The following ERC2 variants were observed in gnomAD, a reference collection of about 807,000 sequenced individuals.
ERC2 encodes ELKS/RAB6-interacting/CAST family member 2, also known as ERC protein 2.
Under a neutral mutation model 114.8 loss-of-function variants are expected in ERC2, and 42 were observed. The observed-to-expected ratio is 0.37, with a 90% CI of 0.29 to 0.47. The LOEUF is 0.47. Ranked by LOEUF, ERC2 falls within the 20% of genes least tolerant of loss-of-function variation. ERC2 has a pLI of 0.99. For synonymous variants in ERC2, 454 were observed against 425.5 expected (o/e 1.07, Z -0.82); for missense variants, 939 against 1,150.7 (o/e 0.82, Z 2.66).
At chr3:55,994,797 T>C (rs902637479) in intron 10 of ERC2, among the ~76,000 whole-genome samples, 1 of 151,774 alleles carries the variant, frequency 6.6e-6, no homozygotes, top group African/African-American at 2.4e-5. Context: ...GTGGGTGAAA[T>C]CAGATGAATT....
At chr3:55,684,004 T>A in intron 16 of ERC2, 145 bp from the exon 17 acceptor site, 1 of 875,470 alleles carries the variant, frequency 1.1e-6, no homozygotes, top group Non-Finnish European at 1.7e-6. Flanking sequence ...AAGAAAAAAA[T>A]CCATAGTAAC....
At chr3:56,023,794 G>GGAAGGAAGGAAGGAAGGAAGGAAA (rs2073879457) in intron 7 of ERC2, among the ~76,000 whole-genome samples, 1 of 151,942 alleles carries the variant, frequency 6.6e-6, no homozygotes. Flanking sequence ...AAGGAAGGAA[G>GGAAGGAAGGAAGGAAGGAAGGAAA]GAAGGAAGGA....
chr3:56,248,117 T>G (rs2051846741), intron 3 of ERC2, among the ~76,000 whole-genome samples: 1 of 152,134 alleles, frequency 6.6e-6, no homozygotes, highest in Non-Finnish European at 1.5e-5. Context: ...AGAGACAGAG[T>G]CTTGCTCCGT....
At chr3:56,383,754 C>T (rs1207276172) in intron 2 of ERC2, among the ~76,000 whole-genome samples, 1 of 152,114 alleles carries the variant, frequency 6.6e-6, no homozygotes, top group African/African-American at 2.4e-5. Context: ...CAAGTACATT[C>T]GCATTATGAC....
At chr3:56,218,230 A>T (rs1428994821) in intron 3 of ERC2, among the ~76,000 whole-genome samples, 1 of 152,204 alleles carries the variant, frequency 6.6e-6, no homozygotes, top group Non-Finnish European at 1.5e-5. Flanking sequence ...AAATTTTTGC[A>T]ATCTACTCAT....
intron 14 of ERC2, among the ~76,000 whole-genome samples, chr3:55,741,160 A>G (rs909500762): frequency 3.3e-5 from 5 of 152,072 alleles, no homozygotes; most frequent in African/African-American, 1.2e-4. Flanking sequence ...ATAAAAACGA[A>G]TTTCATTTTG....
chr3:55,615,736 T>C (rs1392221), intron 17 of ERC2, among the ~76,000 whole-genome samples: 68,048 of 152,116 alleles, frequency 0.45, 17,075 homozygotes, highest in Non-Finnish European at 0.56. Context: ...GGAACTATGA[T>C]ATTTTCGGTG....
intron 17 of ERC2, among the ~76,000 whole-genome samples, chr3:55,642,665 A>G (rs2060237067): frequency 6.6e-6 from 1 of 152,030 alleles, no homozygotes; most frequent in Admixed American, 6.6e-5. Flanking sequence ...TGTTTTCTAC[A>G]CTGATTTGCT....
chr3:56,231,387 C>A (rs189289029), intron 3 of ERC2, among the ~76,000 whole-genome samples: 4 of 152,326 alleles, frequency 2.6e-5, no homozygotes, highest in Admixed American at 6.5e-5. Context: ...TGTACACACT[C>A]TTCTCTCAGG....
intron 2 of ERC2, among the ~76,000 whole-genome samples, chr3:56,376,517 C>T (rs2059547298): frequency 6.6e-6 from 1 of 151,534 alleles, no homozygotes; most frequent in African/African-American, 2.4e-5. Context: ...GTAATCCTAG[C>T]ACTTTGGGAG....
intron 6 of ERC2, among the ~76,000 whole-genome samples, chr3:56,129,118 T>C (rs2080055642): frequency 1.3e-5 from 2 of 152,212 alleles, no homozygotes; most frequent in African/African-American, 2.4e-5. Flanking sequence ...CCTCCCTTTT[T>C]CTTAATAAGA....
chr3:55,844,444 A>G (rs2061267449), intron 14 of ERC2, among the ~76,000 whole-genome samples: 2 of 152,232 alleles, frequency 1.3e-5, no homozygotes, highest in South Asian at 4.1e-4. Context: ...CCAGAAGGGA[A>G]AGAATGTTTG....
chr3:56,376,691 A>G (rs2059555442), intron 2 of ERC2, among the ~76,000 whole-genome samples: 1 of 151,552 alleles, frequency 6.6e-6, no homozygotes, highest in African/African-American at 2.4e-5. Context: ...TGAATCCGGG[A>G]GGCGGAGGTT....
intron 14 of ERC2, among the ~76,000 whole-genome samples, chr3:55,880,135 T>A (rs1324987640): frequency 6.6e-6 from 1 of 152,116 alleles, no homozygotes; most frequent in Non-Finnish European, 1.5e-5. Context: ...CTGGTTGGAA[T>A]AGGGATTGGA....
intron 14 of ERC2, among the ~76,000 whole-genome samples, chr3:55,826,147 T>C (rs1004830324): frequency 6.6e-6 from 1 of 152,220 alleles, no homozygotes; most frequent in Non-Finnish European, 1.5e-5. Context: ...CAATAAAAGC[T>C]ACTTTAACTG....
rs146906729 is a variant in ERC2, at chr3:56,350,585, T to C, written c.658-54150A>G. On this transcript the variant is annotated intron_variant, in intron 2 of 17. Coordinates refer to ENST00000288221, the MANE Select transcript of ERC2 (RefSeq NM_015576.3). ...ATATATATATACAGTGAAATGCTCA[T>C]GGTAGAGACACCAAATGCTGAAGAG... Among the ~76,000 whole-genome samples, 683 of 152,250 alleles carry C rather than the reference T, an allele frequency of 4.5e-3. 3 individuals carry two copies. The highest frequency in any genetic ancestry group is 0.015 in the African/African-American group (626 of 41,544).
At chr3:56,453,078 C>T (rs1577036447) in intron 1 of ERC2, among the ~76,000 whole-genome samples, 1 of 152,198 alleles carries the variant, frequency 6.6e-6, no homozygotes, top group Non-Finnish European at 1.5e-5. Context: ...AAACTTTAGC[C>T]CATGCATTAA....
intron 7 of ERC2, among the ~76,000 whole-genome samples, chr3:56,079,157 A>C (rs1202013322): frequency 1.3e-5 from 2 of 152,184 alleles, no homozygotes; most frequent in African/African-American, 4.8e-5. Context: ...TAAAAAAAGT[A>C]AAAAGAAACA....
At chr3:56,216,252 C>A (rs148968939) in intron 3 of ERC2, among the ~76,000 whole-genome samples, 3,260 of 151,980 alleles carry the variant, frequency 0.021, 53 homozygotes, top group Non-Finnish European at 0.036. Flanking sequence ...GCTAGTAAGA[C>A]TAATAAAGAA....
Sources: gnomAD v4.1 joint callset for allele counts (sites outside exome capture counted in the v4.1 genomes callset) on GRCh38, gnomAD v4.1.1 for gene constraint, MANE v1.5 for transcripts, NCBI Gene and HGNC (gene_info 2026-07-23, HGNC 2026-07-21) for gene names.